Variants in PIWIL3 observed in about 807,000 individuals in gnomAD.
PIWIL3 encodes the protein piwi-like protein 3.
A neutral mutation model predicts 109.7 loss-of-function variants in PIWIL3; 101 were observed. The ratio of observed to expected loss-of-function variants is 0.92; its 90% CI spans 0.78 to 1.09. The LOEUF (loss-of-function observed/expected upper bound fraction) is 1.09. PIWIL3 is among the 50% of genes least tolerant of loss of function. The probability of loss-of-function intolerance (pLI) is 0.00; values close to 1 mark genes in which losing one functional copy is unlikely to be tolerated. For missense variants in PIWIL3, 1,031 were observed against 1,072.6 expected, an observed-to-expected ratio of 0.96 and a Z score of 0.54; for synonymous variants, 373 against 376.4, an observed-to-expected ratio of 0.99 and a Z score of 0.10.
chr22:24,757,848 A>T (rs1925183665), intron 4 of PIWIL3, 60 bp downstream of exon 4: 1 of 1,477,322 alleles, frequency 6.8e-7, no homozygotes, highest in Non-Finnish European at 9.0e-7. Context: ...TCAATGAAAA[A>T]AAAAAAAAAA....
chr22:24,721,618 ATT>A (rs953023888), intron 19 of PIWIL3, among the ~76,000 whole-genome samples: 1 of 152,118 alleles, frequency 6.6e-6, no homozygotes, highest in African/African-American at 2.4e-5. Flanking sequence ...CCAGTTAACA[ATT>A]TGTTTTCTTT....
At chr22:24,747,136 G>T (rs1271812276) in intron 12 of PIWIL3, among the ~76,000 whole-genome samples, 2 of 151,658 alleles carry the variant, frequency 1.3e-5, no homozygotes, top group Admixed American at 6.6e-5. Flanking sequence ...CAGACATATA[G>T]ACCAGTGGAT....
chr22:24,756,009 T>G, intron 5 of PIWIL3, 104 bp from the exon 6 acceptor site: 1 of 1,223,770 alleles, frequency 8.2e-7, no homozygotes, highest in Non-Finnish European at 1.2e-6. Context: ...CAACACACCA[T>G]CGTGATGGAG....
chr22:24,733,811 T>C (rs1418273468), intron 14 of PIWIL3, among the ~76,000 whole-genome samples: 1 of 152,224 alleles, frequency 6.6e-6, no homozygotes, highest in African/African-American at 2.4e-5. Context: ...TGATTATTAA[T>C]ACCCACACTA....
intron 18 of PIWIL3, among the ~76,000 whole-genome samples, chr22:24,723,520 C>G (rs565251719): frequency 6.6e-6 from 1 of 152,164 alleles, no homozygotes; most frequent in Non-Finnish European, 1.5e-5. Context: ...TGCTGAGCAG[C>G]GGGCTCTCAA....
chr22:24,745,717 G>GAAAAAAAAAAAAAAAAAAAAAAAAAA (rs71189273), intron 12 of PIWIL3, among the ~76,000 whole-genome samples: 4 of 80,252 alleles, frequency 5.0e-5, no homozygotes, highest in East Asian at 6.9e-4. Flanking sequence ...GTCAGACTAA[G>GAAAAAAAAAAAAAAAAAAAAAAAAAA]AAAAAAAAAA....
At chr22:24,766,661 T>C (rs1925815423) in intron 1 of PIWIL3, among the ~76,000 whole-genome samples, 1 of 152,196 alleles carries the variant, frequency 6.6e-6, no homozygotes, top group Admixed American at 6.5e-5. Context: ...TTCTTTAATA[T>C]TTTATCACAG....
intron 1 of PIWIL3, among the ~76,000 whole-genome samples, chr22:24,765,112 T>C (rs1470868427): frequency 1.3e-5 from 2 of 152,242 alleles, no homozygotes; most frequent in African/African-American, 4.8e-5. Context: ...ATTTTGTTTT[T>C]ATTTTCAAGA....
rs60085341 is a variant in PIWIL3 at position 24,771,476 on chromosome 22, CAAAA to C, written c.-23+2842_-23+2845del. The stretch of plus-strand genomic sequence containing the variant: ...TGGGCGACAGTGCAAGACTCCATCT[CAAAA>C]AAAAAAAAAAAAAAGAAAGTTACTT... On this transcript the variant is annotated intron_variant, in intron 1 of 20. Coordinates refer to ENST00000616349, the MANE Select transcript of PIWIL3 (RefSeq NM_001255975.1). Among the ~76,000 whole-genome samples the C allele has an allele frequency of 9.1e-4, 104 of 114,430 alleles. 1 individual carries two copies. Among genetic ancestry groups the C allele is most frequent in the African/African-American group, 1.2e-3 (37 of 30,432 alleles). The allele number at this position is 114,430 out of a possible 152,430, so 75.1% of individuals were successfully genotyped here. A position where few individuals can be genotyped will look rare whatever the true frequency, so the allele number is the denominator to read the frequency against.
intron 1 of PIWIL3, among the ~76,000 whole-genome samples, chr22:24,767,003 C>T (rs1297816495): frequency 3.3e-5 from 5 of 151,534 alleles, no homozygotes; most frequent in Non-Finnish European, 5.9e-5. Context: ...GATGGTGGTG[C>T]ACACCTGTAG....
intron 8 of PIWIL3, among the ~76,000 whole-genome samples, chr22:24,752,259 C>A (rs147259561): frequency 5.5e-4 from 83 of 152,146 alleles, no homozygotes; most frequent in African/African-American, 1.8e-3. Context: ...CATAGATAAG[C>A]AAGCTGGAAG....
chr22:24,774,521 G>A lies in PIWIL3; in HGVS notation c.-222C>T, dbSNP rs5760638. ...CTTCCAAATCCTCCCTTTAAAAACCGCTTTGGCCGGGCGCGGTGGCTCACG... is the reference window on the plus strand; with the variant it reads ...CTTCCAAATCCTCCCTTTAAAAACCACTTTGGCCGGGCGCGGTGGCTCACG... On this transcript the variant is annotated 5_prime_UTR_variant, in exon 1 of 21. Coordinates refer to ENST00000616349, the MANE Select transcript of PIWIL3 (RefSeq NM_001255975.1). 1 of 152,324 alleles carries A rather than the reference G, an allele frequency of 6.6e-6. No homozygotes were observed. The highest frequency in any genetic ancestry group is 1.5e-5 in the Non-Finnish European group (1 of 68,330). The allele number at this position is 152,324 out of a possible 1,614,324, so 9.4% of individuals were successfully genotyped here.
intron 1 of PIWIL3, among the ~76,000 whole-genome samples, chr22:24,769,507 G>A (rs1319075634): frequency 6.6e-6 from 1 of 152,196 alleles, no homozygotes; most frequent in African/African-American, 2.4e-5. Flanking sequence ...AGCTACTTGG[G>A]AGGCTGAGGC....
intron 12 of PIWIL3, among the ~76,000 whole-genome samples, chr22:24,740,366 G>C (rs1923928905): frequency 1.3e-5 from 2 of 151,660 alleles, no homozygotes; most frequent in Admixed American, 1.3e-4. Flanking sequence ...GGCTAACATG[G>C]TGAAACCCCG....
Position 24,759,941 on chromosome 22 carries a change from C to T in PIWIL3, c.151G>A (p.Glu51Lys). Residue 51 changes from glutamate to lysine, a missense_variant, in exon 3 of 21, where the codon GAA becomes AAA. Coordinates refer to ENST00000616349, the MANE Select transcript of PIWIL3 (RefSeq NM_001255975.1). Reference sequence around the variant, plus strand: ...TGCAGAGGTCTAACCACTGGGACTTCCTCCTGCAGCGGCCGGGGTGTCGAC... The same window carrying T: ...TGCAGAGGTCTAACCACTGGGACTTTCTCCTGCAGCGGCCGGGGTGTCGAC... Reference protein sequence around the residue: ...LQSTPRPLQEEVPVVRPLQPR... With the variant: ...LQSTPRPLQEKVPVVRPLQPR... The T allele has an allele frequency of 6.2e-7, 1 of 1,614,208 alleles. No individual in the cohort carries two copies. Among genetic ancestry groups the T allele is most frequent in the East Asian group, 2.2e-5 (1 of 44,890 alleles).
Position 24,759,936 on chromosome 22 carries a change from GAC to G in PIWIL3, c.154_155del (p.Val52ProfsTer4), listed in dbSNP as rs1569110599. The G allele has an allele frequency of 5.0e-6, 8 of 1,614,140 alleles. No homozygotes were observed. Among genetic ancestry groups the G allele is most frequent in the Non-Finnish European group, 6.8e-6 (8 of 1,180,034 alleles). On this transcript the variant is annotated frameshift_variant, in exon 3 of 21. Coordinates refer to ENST00000616349, the MANE Select transcript of PIWIL3 (RefSeq NM_001255975.1). LOFTEE classifies it high-confidence loss of function. ...QSTPRPLQEE[V>X]PVVRPLQPRA... ...TTGGCTGCAGAGGTCTAACCACTGG[GAC>G]TTCCTCCTGCAGCGGCCGGGGTGTC...
At chr22:24,742,150 GCAAA>G (rs1924044585) in intron 12 of PIWIL3, among the ~76,000 whole-genome samples, 1 of 37,400 alleles carries the variant, frequency 2.7e-5, no homozygotes, top group Admixed American at 2.3e-4. Flanking sequence ...TACAATAGCT[GCAAA>G]AAAAAAAAAA....
chr22:24,724,779 C>G (rs1922892874), intron 18 of PIWIL3, 108 bp downstream of exon 18: 2 of 1,263,270 alleles, frequency 1.6e-6, no homozygotes, highest in African/African-American at 3.0e-5. Flanking sequence ...ACTATGTTGC[C>G]CAAGCTGGTC....
intron 1 of PIWIL3, among the ~76,000 whole-genome samples, chr22:24,765,672 T>C (rs577503219): frequency 6.0e-4 from 92 of 152,294 alleles, no homozygotes; most frequent in African/African-American, 2.1e-3. Context: ...GCATTCGCTG[T>C]ACTTTAAGAT....
Sources: gnomAD v4.1 joint callset for allele counts (sites outside exome capture counted in the v4.1 genomes callset) on GRCh38, gnomAD v4.1.1 for gene constraint, MANE v1.5 for transcripts, NCBI Gene and HGNC (gene_info 2026-07-23, HGNC 2026-07-21) for gene names.